Variants in CCDC192 observed in about 807,000 individuals in gnomAD.
CCDC192 encodes the protein coiled-coil domain containing 192.
At chr5:127,767,890 G>A (rs1755321124) in intron 3 of CCDC192, among the ~76,000 whole-genome samples, 1 of 152,094 alleles carries the variant, frequency 6.6e-6, no homozygotes. Flanking sequence ...TTAATTTGTT[G>A]AAGTTCTAAC....
intron 2 of CCDC192, among the ~76,000 whole-genome samples, chr5:127,719,576 T>TATATATATAC (rs1751886077): frequency 2.6e-5 from 3 of 117,168 alleles, no homozygotes; most frequent in African/African-American, 1.0e-4. Context: ...TACATATATA[T>TATATATATAC]ATATACCAAG....
chr5:127,851,822 AT>A (rs1750810097), intron 5 of CCDC192, among the ~76,000 whole-genome samples: 1 of 152,176 alleles, frequency 6.6e-6, no homozygotes, highest in African/African-American at 2.4e-5. Flanking sequence ...ACATGGTTAC[AT>A]CCCTCCCAGT....
chr5:127,804,006 G>A (rs1052654557), intron 5 of CCDC192, among the ~76,000 whole-genome samples: 2 of 152,220 alleles, frequency 1.3e-5, no homozygotes, highest in Non-Finnish European at 2.9e-5. Context: ...TGGAAGCTCA[G>A]GGTGAGGAAC....
At chr5:127,783,986 T>C (rs551543639) in intron 3 of CCDC192, among the ~76,000 whole-genome samples, 22 of 152,310 alleles carry the variant, frequency 1.4e-4, no homozygotes, top group African/African-American at 5.3e-4. Context: ...TCATATGAAA[T>C]ACCTTTTTCC....
intron 3 of CCDC192, among the ~76,000 whole-genome samples, chr5:127,778,771 T>C (rs559601572): frequency 1.9e-4 from 29 of 152,254 alleles, no homozygotes; most frequent in East Asian, 3.9e-4. Flanking sequence ...CTTTTCTTTT[T>C]TTTAAAATGG....
chr5:127,714,236 C>T (rs77213377), intron 2 of CCDC192, among the ~76,000 whole-genome samples: 2,237 of 152,268 alleles, frequency 0.015, 51 homozygotes, highest in African/African-American at 0.048. Context: ...TTTAGTCACT[C>T]ATCCACTGAT....
rs146841034 is a variant in CCDC192, at chr5:127,888,365, G to A, written c.535+12704G>A. ...TGGGAGGCAGTGGTTGCAATGAGCC[G>A]AGATTGCGCCACTGCACTCCAGCCT... On this transcript the variant is annotated intron_variant, in intron 6 of 6. Transcript: ENST00000514853. 3.3e-3 allele frequency among the ~76,000 whole-genome samples: 495 copies of A among 151,888 alleles called. 3 individuals carry two copies. The highest frequency in any genetic ancestry group is 0.011 in the African/African-American group (474 of 41,422).
At chr5:127,922,530 G>A (rs541464826) in intron 6 of CCDC192, among the ~76,000 whole-genome samples, 13 of 152,340 alleles carry the variant, frequency 8.5e-5, no homozygotes, top group African/African-American at 3.1e-4. Context: ...CTTGAGCACA[G>A]GAGCTCAGAA....
At chr5:127,720,589 G>T (rs1751960673) in intron 2 of CCDC192, among the ~76,000 whole-genome samples, 1 of 152,230 alleles carries the variant, frequency 6.6e-6, no homozygotes, top group Admixed American at 6.5e-5. Flanking sequence ...CAGTGCCCCA[G>T]TGGGGACTCT....
chr5:127,831,431 T>C (rs2127042770), intron 5 of CCDC192, among the ~76,000 whole-genome samples: 2 of 152,144 alleles, frequency 1.3e-5, no homozygotes, highest in Middle Eastern at 3.4e-3. Context: ...GTCATTGAAT[T>C]AACAACCCAT....
chr5:127,841,336 T>C (rs1187660582), intron 5 of CCDC192, among the ~76,000 whole-genome samples: 2 of 152,190 alleles, frequency 1.3e-5, no homozygotes, highest in African/African-American at 4.8e-5. Flanking sequence ...CCAAAGTGCA[T>C]TACTTTCTCT....
At chr5:127,908,477 A>G (rs1753259215) in intron 6 of CCDC192, among the ~76,000 whole-genome samples, 1 of 152,208 alleles carries the variant, frequency 6.6e-6, no homozygotes, top group African/African-American at 2.4e-5. Context: ...CTTTCCCAAA[A>G]CAGAATAAAA....
chr5:127,774,513 C>G (rs1320225540), intron 3 of CCDC192, among the ~76,000 whole-genome samples: 1 of 152,180 alleles, frequency 6.6e-6, no homozygotes, highest in African/African-American at 2.4e-5. Flanking sequence ...AGATCCTCTT[C>G]TTTGCCTATT....
At position 127,827,206 on chromosome 5, in the gene CCDC192, C is replaced by T. The variant is rs183659859; in HGVS notation, c.411+29044C>T. Among the ~76,000 whole-genome samples, 20 of 152,192 alleles carry T rather than the reference C, an allele frequency of 1.3e-4. No individual in the cohort carries two copies. In the South Asian group the frequency reaches 2.3e-3, roughly 17 times the overall value. Reference sequence around the variant, plus strand: ...AAAGTAGGGAAAATTCCCAAAAAGCCGAACCTTTTTCAGAGAAGTCAATTT... The same window carrying T: ...AAAGTAGGGAAAATTCCCAAAAAGCTGAACCTTTTTCAGAGAAGTCAATTT... On this transcript the variant is annotated intron_variant, in intron 5 of 6. Transcript: ENST00000514853.
chr5:127,714,020 A>G (rs1326002914), intron 2 of CCDC192, among the ~76,000 whole-genome samples: 1 of 152,194 alleles, frequency 6.6e-6, no homozygotes, highest in Non-Finnish European at 1.5e-5. Context: ...AGCCTCTGGT[A>G]ACCCCTATTT....
intron 5 of CCDC192, among the ~76,000 whole-genome samples, chr5:127,819,831 G>A (rs962249434): frequency 5.3e-5 from 8 of 152,148 alleles, no homozygotes; most frequent in Non-Finnish European, 8.8e-5. Flanking sequence ...TTAGGCAGAA[G>A]GAGGTTTAGA....
intron 2 of CCDC192, among the ~76,000 whole-genome samples, chr5:127,708,376 T>C (rs921220945): frequency 6.6e-6 from 1 of 152,174 alleles, no homozygotes; most frequent in Non-Finnish European, 1.5e-5. Flanking sequence ...AGGTGATGGG[T>C]ATACAGAAGA....
chr5:127,709,164 GGA>G (rs1221712930), intron 2 of CCDC192, among the ~76,000 whole-genome samples: 7 of 118,626 alleles, frequency 5.9e-5, no homozygotes, highest in Non-Finnish European at 1.2e-4. Context: ...AGAGAGAGGG[GGA>G]GAGGGGGAGA....
chr5:127,747,397 G>A (rs912473147), intron 2 of CCDC192, among the ~76,000 whole-genome samples: 15 of 151,988 alleles, frequency 9.9e-5, no homozygotes, highest in African/African-American at 3.1e-4. Context: ...GAGAATGATG[G>A]TTTCCAATTT....
Sources: gnomAD v4.1 joint callset for allele counts (sites outside exome capture counted in the v4.1 genomes callset) on GRCh38, gnomAD v4.1.1 for gene constraint, MANE v1.5 for transcripts, NCBI Gene and HGNC (gene_info 2026-07-23, HGNC 2026-07-21) for gene names.